Variants in CLIP2 observed in about 807,000 individuals in gnomAD.
The protein encoded by CLIP2 is CAP-Gly domain containing linker protein 2.
CLIP2 carries 41 observed loss-of-function variants against 111.7 expected under a neutral mutation model. The observed-to-expected ratio is 0.37, with a 90% CI of 0.29 to 0.48. The LOEUF (loss-of-function observed/expected upper bound fraction) is 0.48, where lower values mean the gene tolerates loss of function less well. CLIP2 is among the 20% of genes least tolerant of loss of function. CLIP2 has a pLI of 0.99. For missense variants in CLIP2, 1,160 were observed against 1,422.1 expected (o/e 0.82, Z 2.96); for synonymous variants, 660 against 644.2 (o/e 1.02, Z -0.37).
intron 4 of CLIP2, among the ~76,000 whole-genome samples, chr7:74,355,996 G>C (rs1790130820): frequency 6.6e-6 from 1 of 152,206 alleles, no homozygotes; most frequent in African/African-American, 2.4e-5. Flanking sequence ...CACACTGGAG[G>C]ACCAGTCTCA....
rs181454782 is a variant in CLIP2 at position 74,362,169 on chromosome 7, G to A, written c.1319+1891G>A. On this transcript the variant is annotated intron_variant, in intron 7 of 16. Transcript: ENST00000223398. ...AGCCCTCCAACCAAAGACACCAGGC[G>A]GTGGGGACTCTGGCCGACTTGGTCC... is the stretch of plus-strand genomic sequence containing the variant. 2.2e-3 allele frequency among the ~76,000 whole-genome samples: 331 copies of A among 152,044 alleles called. 1 individual carries two copies. Among genetic ancestry groups the A allele is most frequent in the African/African-American group, 7.2e-3 (300 of 41,472 alleles).
intron 1 of CLIP2, among the ~76,000 whole-genome samples, chr7:74,292,772 C>A (rs1161474922): frequency 6.6e-6 from 1 of 152,180 alleles, no homozygotes; most frequent in Non-Finnish European, 1.5e-5. Context: ...AATATCCTGG[C>A]ACAAAGAGGT....
At position 74,401,422 on chromosome 7, in the gene CLIP2, A is replaced by G. The variant is rs1791614755; in HGVS notation, c.3067-83A>G. 9 of 1,365,632 alleles carry G rather than the reference A, an allele frequency of 6.6e-6. No homozygotes were observed. The East Asian group carries it at 1.2e-4, about 18-fold the overall frequency. 84.6% of individuals were successfully genotyped at this position (1,365,632 alleles called of 1,614,324 possible). On this transcript the variant is annotated intron_variant, in intron 15 of 16. Transcript: ENST00000223398. ...GGAATTTGGAGCCTGAGACGGTCCC[A>G]TGGGAAGACCTCGCCATCTAGTGGG...
At chr7:74,307,374 C>T (rs552862996) in intron 1 of CLIP2, among the ~76,000 whole-genome samples, 1 of 152,344 alleles carries the variant, frequency 6.6e-6, no homozygotes, top group African/African-American at 2.4e-5. Context: ...CTTTGAGTCC[C>T]CGAACTTCTC....
chr7:74,355,871 T>C (rs1790127873), intron 4 of CLIP2, among the ~76,000 whole-genome samples: 1 of 152,182 alleles, frequency 6.6e-6, no homozygotes, highest in Non-Finnish European at 1.5e-5. Flanking sequence ...AGAGAGCTGA[T>C]GGGAATCCTT....
At chr7:74,303,482 C>T (rs1175192991) in intron 1 of CLIP2, among the ~76,000 whole-genome samples, 2 of 151,626 alleles carry the variant, frequency 1.3e-5, no homozygotes, top group African/African-American at 4.8e-5. Flanking sequence ...ACCATTGGCT[C>T]AGAAAGCCTG....
chr7:74,296,653 G>A (rs1370606889), intron 1 of CLIP2, among the ~76,000 whole-genome samples: 1 of 151,634 alleles, frequency 6.6e-6, no homozygotes, highest in Non-Finnish European at 1.5e-5. Context: ...GCCGGGTGTG[G>A]TGGTGTGCAC....
At chr7:74,391,529 A>C (rs1791292252) in intron 13 of CLIP2, among the ~76,000 whole-genome samples, 1 of 152,074 alleles carries the variant, frequency 6.6e-6, no homozygotes, top group South Asian at 2.1e-4. Flanking sequence ...ATTAAAAATC[A>C]GAAGATGGGG....
At chr7:74,386,365 G>T in intron 11 of CLIP2, 156 bp from the exon 12 acceptor site, 1 of 582,068 alleles carries the variant, frequency 1.7e-6, no homozygotes, top group Admixed American at 3.5e-5. Flanking sequence ...TCTTCAGGAG[G>T]GGTTACCCAG....
chr7:74,336,346 G>C (rs1346518304), intron 2 of CLIP2, among the ~76,000 whole-genome samples: 1 of 152,120 alleles, frequency 6.6e-6, no homozygotes, highest in African/African-American at 2.4e-5. Context: ...GGGATTATAG[G>C]CGTGAGCCAC....
At chr7:74,365,575 G>A (rs1298888259) in intron 8 of CLIP2, among the ~76,000 whole-genome samples, 2 of 151,702 alleles carry the variant, frequency 1.3e-5, no homozygotes, top group East Asian at 2.1e-4. Context: ...GGTCCACCCC[G>A]GATCCAGCCG....
chr7:74,331,269 A>G (rs1273698988), intron 2 of CLIP2, among the ~76,000 whole-genome samples: 1 of 150,022 alleles, frequency 6.7e-6, no homozygotes, highest in African/African-American at 2.4e-5. Flanking sequence ...AGAAGGAGGC[A>G]TAAATGAATT....
At chr7:74,336,012 GATT>G (rs34018721) in intron 2 of CLIP2, among the ~76,000 whole-genome samples, 92,121 of 150,750 alleles carry the variant, frequency 0.61, 30,065 homozygotes, top group Middle Eastern at 0.75. Context: ...AAAGTGCTGG[GATT>G]ACAGGCGTAA....
intron 2 of CLIP2, among the ~76,000 whole-genome samples, chr7:74,321,529 G>A (rs1788952520): frequency 6.6e-6 from 1 of 152,162 alleles, no homozygotes. Flanking sequence ...GAGTGCAGTG[G>A]TGCGATCTCG....
chr7:74,347,533 G>A (rs1789834340), intron 3 of CLIP2, among the ~76,000 whole-genome samples: 2 of 152,144 alleles, frequency 1.3e-5, no homozygotes, highest in South Asian at 4.1e-4. Flanking sequence ...CTCCCAAAGT[G>A]CTGGGATTAC....
At chr7:74,389,040 G>A (rs782458483) in intron 12 of CLIP2, 63 bp from the exon 13 acceptor site, 5 of 1,537,282 alleles carry the variant, frequency 3.3e-6, no homozygotes, top group Non-Finnish European at 4.4e-6. Context: ...CTTTGCCCTT[G>A]GGTGGGACAG....
At chr7:74,300,855 A>G (rs1406831487) in intron 1 of CLIP2, among the ~76,000 whole-genome samples, 1 of 152,088 alleles carries the variant, frequency 6.6e-6, no homozygotes, top group African/African-American at 2.4e-5. Flanking sequence ...TGTTGATTCC[A>G]TATCTTTGCT....
chr7:74,296,810 A>C (rs1251531338), intron 1 of CLIP2, among the ~76,000 whole-genome samples: 2 of 145,308 alleles, frequency 1.4e-5, no homozygotes, highest in Admixed American at 6.9e-5. Context: ...AAAAAAGAGA[A>C]AAGAAAAAGA....
chr7:74,333,110 C>G (rs1444093674), intron 2 of CLIP2, among the ~76,000 whole-genome samples: 2 of 152,180 alleles, frequency 1.3e-5, no homozygotes, highest in Admixed American at 6.6e-5. Context: ...TTGAAACTTG[C>G]AGTAAATTCC....
Sources: allele counts gnomAD v4.1 joint callset (sites outside exome capture counted in the v4.1 genomes callset), GRCh38; gene constraint gnomAD v4.1.1; transcripts MANE v1.5; gene names NCBI Gene and HGNC (gene_info 2026-07-23, HGNC 2026-07-21).